RPS6KA2: variants seen among roughly 807,000 people sequenced by gnomAD.
RPS6KA2 encodes ribosomal protein S6 kinase A2.
Under a neutral mutation model 91.8 loss-of-function variants are expected in RPS6KA2, and 42 were observed. That is an observed-to-expected ratio of 0.46 (90% CI 0.36 to 0.59). RPS6KA2 has a LOEUF of 0.59. RPS6KA2 is among the 20% of genes least tolerant of loss of function. The pLI is 0.00. For synonymous variants in RPS6KA2, 414 were observed against 393.6 expected, an observed-to-expected ratio of 1.05 and a Z score of -0.61; for missense variants, 798 against 978.5, an observed-to-expected ratio of 0.82 and a Z score of 2.46.
At chr6:166,777,460 G>T (rs562689398) in intron 2 of RPS6KA2, among the ~76,000 whole-genome samples, 32 of 152,268 alleles carry the variant, frequency 2.1e-4, no homozygotes, top group Admixed American at 1.8e-3. Flanking sequence ...CCGAGTGCAC[G>T]CACAGCCAGG....
intron 3 of RPS6KA2, among the ~76,000 whole-genome samples, chr6:166,527,747 A>G (rs1269875929): frequency 6.6e-6 from 1 of 152,036 alleles, no homozygotes; most frequent in East Asian, 1.9e-4. Context: ...CCACTCATCT[A>G]CTTCCTGTCT....
At chr6:166,451,379 G>C (rs1388006002) in intron 12 of RPS6KA2, 146 bp from the exon 13 acceptor site, 4 of 813,222 alleles carry the variant, frequency 4.9e-6, no homozygotes, top group Non-Finnish European at 7.6e-6. Context: ...TATGCCTGTG[G>C]TGGAGGAAAA....
intron 16 of RPS6KA2, among the ~76,000 whole-genome samples, chr6:166,424,769 C>G (rs563152744): frequency 1.4e-4 from 22 of 152,208 alleles, no homozygotes; most frequent in Non-Finnish European, 2.6e-4. Context: ...CCTGCCTCAG[C>G]GTCCCTGCGC....
At chr6:166,555,120 G>A (rs1038180548) in intron 1 of RPS6KA2, among the ~76,000 whole-genome samples, 3 of 152,194 alleles carry the variant, frequency 2.0e-5, no homozygotes, top group Admixed American at 6.5e-5. Flanking sequence ...TCCCAGGTAC[G>A]TGGTAGGTTT....
intron 2 of RPS6KA2, among the ~76,000 whole-genome samples, chr6:166,711,244 G>A (rs1789839358): frequency 1.3e-5 from 2 of 148,952 alleles, no homozygotes; most frequent in Admixed American, 6.7e-5. Context: ...CAGTAATGAG[G>A]TGGTGCCCCC....
chr6:166,588,849 G>A (rs1426489808), intron 1 of RPS6KA2, among the ~76,000 whole-genome samples: 2 of 152,156 alleles, frequency 1.3e-5, no homozygotes, highest in Admixed American at 6.5e-5. Flanking sequence ...CTGTCAACCC[G>A]GCCAGCAGAG....
At position 166,500,742 on chromosome 6, in the gene RPS6KA2, G is replaced by C; in HGVS notation, c.604+145C>G. 2.8e-6 allele frequency: 2 copies of C among 722,226 alleles called. No homozygotes were observed. Among genetic ancestry groups the C allele is most frequent in the Non-Finnish European group, 4.8e-6 (2 of 412,474 alleles). 44.7% of individuals were successfully genotyped at this position (722,226 alleles called of 1,614,324 possible). On this transcript the variant is annotated intron_variant, in intron 7 of 20. Coordinates refer to ENST00000265678, the MANE Select transcript of RPS6KA2 (RefSeq NM_021135.6). This position sits in a 1 kb window ranked among gnomAD's most constrained non-coding sequence, Gnocchi z 4.3. The stretch of plus-strand genomic sequence containing the variant: ...CATACAATGCCATAAGCAGTCTGTA[G>C]CTATAGAAAATTCTGCCAAATCAGA...
Position 166,430,523 on chromosome 6 carries a change from A to G in RPS6KA2, c.1511T>C (p.Phe504Ser). The G allele has an allele frequency of 6.2e-7, 1 of 1,614,012 alleles. No homozygotes were observed. The highest frequency in any genetic ancestry group is 1.3e-5 in the African/African-American group (1 of 74,976). The change falls in exon 16 of 21, where the codon TTC becomes TCC. Residue 504 changes from phenylalanine to serine, a missense_variant. Coordinates refer to ENST00000265678, the MANE Select transcript of RPS6KA2 (RefSeq NM_021135.6). ...LLDRILRQRYFSEREASDVLC... is the reference protein window; with the variant it reads ...LLDRILRQRYSSEREASDVLC... Reference sequence around the variant, plus strand: ...GACGTCACTGGCTTCGCGCTCCGAGAAGTATCTCTGCCGGAGGATGCGGTC... The same window carrying G: ...GACGTCACTGGCTTCGCGCTCCGAGGAGTATCTCTGCCGGAGGATGCGGTC...
intron 2 of RPS6KA2, among the ~76,000 whole-genome samples, chr6:166,808,303 T>A (rs765644197): frequency 5.9e-5 from 9 of 152,220 alleles, no homozygotes; most frequent in Non-Finnish European, 1.2e-4. Context: ...CTCACAGATG[T>A]TGGACCTGCA....
chr6:166,487,219 G>T (rs1781442312), intron 10 of RPS6KA2, among the ~76,000 whole-genome samples: 2 of 152,138 alleles, frequency 1.3e-5, no homozygotes, highest in Admixed American at 1.3e-4. Flanking sequence ...AATGTTGCAG[G>T]GATTTACTCT....
rs1162220822 is a variant in RPS6KA2, at chr6:166,411,718, C to T, written c.*1044G>A. 1 of 152,808 alleles carries T rather than the reference C, an allele frequency of 6.5e-6. No individual in the cohort carries two copies. Among genetic ancestry groups the T allele is most frequent in the Non-Finnish European group, 1.5e-5 (1 of 68,142 alleles). The allele number at this position is 152,808 out of a possible 1,614,324, so 9.5% of individuals were successfully genotyped here. ...CTCCGCTGCCCTCCCACCTGTGCCT[C>T]TGCCCCTCAGTCTGCTGGGTGGGGC... On this transcript the variant is annotated 3_prime_UTR_variant, in exon 21 of 21. Transcript: ENST00000265678. The surrounding 1 kb of genome is among the most constrained non-coding windows in gnomAD (Gnocchi z 4.5).
intron 2 of RPS6KA2, among the ~76,000 whole-genome samples, chr6:166,704,232 T>C (rs1000480848): frequency 1.3e-5 from 2 of 152,236 alleles, no homozygotes; most frequent in Non-Finnish European, 2.9e-5. Flanking sequence ...GAGGTGTTGA[T>C]AGCATGCAGT....
At chr6:166,799,895 A>T (rs2128617475) in intron 2 of RPS6KA2, among the ~76,000 whole-genome samples, 1 of 152,184 alleles carries the variant, frequency 6.6e-6, no homozygotes, top group African/African-American at 2.4e-5. Flanking sequence ...GTAGTCCTTC[A>T]TCCCTCACCC....
At chr6:166,789,921 A>C (rs1695042308) in intron 2 of RPS6KA2, among the ~76,000 whole-genome samples, 1 of 152,234 alleles carries the variant, frequency 6.6e-6, no homozygotes, top group African/African-American at 2.4e-5. Flanking sequence ...GAAAAAACAG[A>C]GCAGAAAACT....
intron 5 of RPS6KA2, among the ~76,000 whole-genome samples, chr6:166,507,533 C>T (rs1782281381): frequency 6.6e-6 from 1 of 150,908 alleles, no homozygotes; most frequent in Non-Finnish European, 1.5e-5. Flanking sequence ...ACCACACATA[C>T]CACATATAGC....
At chr6:166,700,874 T>C (rs1351921855) in intron 2 of RPS6KA2, among the ~76,000 whole-genome samples, 1 of 152,188 alleles carries the variant, frequency 6.6e-6, no homozygotes, top group African/African-American at 2.4e-5. Context: ...CACCCTTTTT[T>C]TGTGTGTTTG....
chr6:166,498,646 G>T lies in RPS6KA2; in HGVS notation c.609C>A (p.Phe203Leu), dbSNP rs369851246. 2 of 1,613,672 alleles carry T rather than the reference G, an allele frequency of 1.2e-6. No individual in the cohort carries two copies. Among genetic ancestry groups the T allele is most frequent in the South Asian group, 2.2e-5 (2 of 91,018 alleles). ...GGTCAATGGCCTCCTTACTCAGGCC[G>T]AAATCTACATGCAAACACAGCACAC... ...DEEGHIKITD[F>L]GLSKEAIDHD... The change falls in exon 8 of 21, where the codon TTC (phenylalanine) becomes TTA (leucine). Residue 203 changes from phenylalanine (F) to leucine (L), a missense_variant. Coordinates refer to ENST00000265678, the MANE Select transcript of RPS6KA2 (RefSeq NM_021135.6).
At chr6:166,509,300 T>C (rs749554075) in intron 4 of RPS6KA2, 5 of 169,998 alleles carry the variant, frequency 2.9e-5, no homozygotes, top group Middle Eastern at 1.0e-3. Flanking sequence ...TCTCAATTTC[T>C]TCAGAAAAGC....
intron 2 of RPS6KA2, among the ~76,000 whole-genome samples, chr6:166,709,304 G>C (rs1375442448): frequency 6.6e-6 from 1 of 151,080 alleles, no homozygotes; most frequent in African/African-American, 2.5e-5. Flanking sequence ...CAGAAATAAA[G>C]ACACAACATA....
Sources: allele counts gnomAD v4.1 joint callset (sites outside exome capture counted in the v4.1 genomes callset), GRCh38; gene constraint gnomAD v4.1.1; non-coding constraint Gnocchi (gnomAD v3.1); transcripts MANE v1.5; gene names NCBI Gene and HGNC (gene_info 2026-07-23, HGNC 2026-07-21).